TTC28: variants seen among roughly 807,000 people sequenced by gnomAD.
TTC28 encodes tetratricopeptide repeat domain 28.
Under a neutral mutation model 198.0 loss-of-function variants are expected in TTC28, and 61 were observed. The observed-to-expected ratio is 0.31, with a 90% CI of 0.25 to 0.38. TTC28 has a LOEUF of 0.38. Ranked by LOEUF, TTC28 falls within the 10% of genes least tolerant of loss-of-function variation. The pLI, the probability that TTC28 is intolerant of heterozygous loss-of-function variation, is 1.00. For missense variants in TTC28, 2,678 were observed against 3,164.0 expected, an observed-to-expected ratio of 0.85 and a Z score of 3.69; for synonymous variants, 1,171 against 1,297.8, an observed-to-expected ratio of 0.90 and a Z score of 2.10.
chr22:28,343,194 G>C (rs1452056822), intron 2 of TTC28, among the ~76,000 whole-genome samples: 1 of 151,986 alleles, frequency 6.6e-6, no homozygotes, highest in Non-Finnish European at 1.5e-5. Context: ...ACGGAGATTA[G>C]ACAGAAAAAA....
At chr22:28,340,230 A>C (rs1362988322) in intron 2 of TTC28, among the ~76,000 whole-genome samples, 1 of 152,116 alleles carries the variant, frequency 6.6e-6, no homozygotes, top group Non-Finnish European at 1.5e-5. Flanking sequence ...TTCTAAAGTG[A>C]GGGGTTGGAG....
intron 2 of TTC28, among the ~76,000 whole-genome samples, chr22:28,532,545 T>C (rs1239165280): frequency 1.3e-5 from 2 of 152,188 alleles, no homozygotes; most frequent in East Asian, 3.8e-4. Context: ...CAATCCTCCC[T>C]AACTCATTTT....
intron 12 of TTC28, among the ~76,000 whole-genome samples, chr22:28,091,597 A>C (rs915616759): frequency 6.6e-6 from 1 of 152,114 alleles, no homozygotes; most frequent in African/African-American, 2.4e-5. Context: ...GAAAGGAGGG[A>C]GAGTCTTGGC....
At chr22:27,986,852 C>T (rs1937233237) in intron 21 of TTC28, among the ~76,000 whole-genome samples, 1 of 152,148 alleles carries the variant, frequency 6.6e-6, no homozygotes, top group Non-Finnish European at 1.5e-5. Flanking sequence ...TAAACAGCCC[C>T]TGAAAGCAAC....
chr22:28,419,319 A>G (rs2047214261), intron 2 of TTC28, among the ~76,000 whole-genome samples: 1 of 152,102 alleles, frequency 6.6e-6, no homozygotes, highest in African/African-American at 2.4e-5. Flanking sequence ...TCCCTCCTCC[A>G]TGTTCTACAG....
intron 2 of TTC28, among the ~76,000 whole-genome samples, chr22:28,334,120 C>T (rs921338560): frequency 2.0e-5 from 3 of 151,264 alleles, no homozygotes; most frequent in South Asian, 2.1e-4. Flanking sequence ...TTTCTCCTTG[C>T]GATAGTTTGC....
At chr22:28,620,635 A>C (rs1477896797) in intron 2 of TTC28, among the ~76,000 whole-genome samples, 1 of 152,206 alleles carries the variant, frequency 6.6e-6, no homozygotes, top group Non-Finnish European at 1.5e-5. Flanking sequence ...AGCAATGGCT[A>C]CCAAAATGTA....
At chr22:28,336,265 A>C (rs1032823013) in intron 2 of TTC28, among the ~76,000 whole-genome samples, 5 of 152,168 alleles carry the variant, frequency 3.3e-5, no homozygotes, top group Non-Finnish European at 7.3e-5. Context: ...GGATTTTTGC[A>C]TCAATGTTCA....
intron 5 of TTC28, among the ~76,000 whole-genome samples, chr22:28,181,083 G>T (rs1354499459): frequency 1.3e-5 from 2 of 152,172 alleles, no homozygotes. Context: ...GATAGTTACA[G>T]CTTCTCCATG....
intron 12 of TTC28, among the ~76,000 whole-genome samples, chr22:28,040,704 C>T (rs1939595007): frequency 6.6e-6 from 1 of 152,204 alleles, no homozygotes; most frequent in Non-Finnish European, 1.5e-5. Flanking sequence ...GTCACCACTC[C>T]TATTCAACAT....
intron 2 of TTC28, among the ~76,000 whole-genome samples, chr22:28,352,841 CTA>C (rs2145936514): frequency 6.6e-6 from 1 of 151,930 alleles, no homozygotes; most frequent in African/African-American, 2.4e-5. Flanking sequence ...TTTAAAATAA[CTA>C]TGTTTCAAAC....
chr22:27,985,765 G>GC, intron 21 of TTC28: 1 of 161,270 alleles, frequency 6.2e-6, no homozygotes, highest in Non-Finnish European at 1.4e-5. Flanking sequence ...AGTATTTAAA[G>GC]CTGGTGCATG....
At chr22:28,227,241 A>G (rs1017293599) in intron 5 of TTC28, among the ~76,000 whole-genome samples, 1 of 152,206 alleles carries the variant, frequency 6.6e-6, no homozygotes, top group African/African-American at 2.4e-5. Flanking sequence ...AAATCAACTC[A>G]AAATGGATGA....
At chr22:28,017,644 G>A (rs1204793327) in intron 13 of TTC28, among the ~76,000 whole-genome samples, 1 of 152,180 alleles carries the variant, frequency 6.6e-6, no homozygotes, top group African/African-American at 2.4e-5. Context: ...AAGAAAGTGG[G>A]CCAGATGGGC....
At chr22:27,987,929 G>A (rs1937267908) in intron 21 of TTC28, among the ~76,000 whole-genome samples, 1 of 152,008 alleles carries the variant, frequency 6.6e-6, no homozygotes. Flanking sequence ...AGAAAAGCAT[G>A]TAGGCCAGGA....
chr22:28,474,299 C>G (rs755517783), intron 2 of TTC28, among the ~76,000 whole-genome samples: 1 of 152,114 alleles, frequency 6.6e-6, no homozygotes, highest in African/African-American at 2.4e-5. Flanking sequence ...AGCTGAGAAG[C>G]AAACCAATGT....
intron 2 of TTC28, among the ~76,000 whole-genome samples, chr22:28,488,196 A>C (rs946173621): frequency 3.3e-5 from 5 of 152,166 alleles, no homozygotes; most frequent in African/African-American, 1.2e-4. Context: ...ACAGGAGGTT[A>C]CTCAAGATAG....
intron 2 of TTC28, among the ~76,000 whole-genome samples, chr22:28,345,409 G>A (rs1021988896): frequency 3.3e-5 from 5 of 152,090 alleles, no homozygotes; most frequent in South Asian, 2.1e-4. Flanking sequence ...CCTCAAGTCC[G>A]GAACCATCTC....
chr22:28,326,347 G>T (rs937598703), intron 2 of TTC28, among the ~76,000 whole-genome samples: 3 of 152,044 alleles, frequency 2.0e-5, no homozygotes, highest in Non-Finnish European at 2.9e-5. Context: ...TGTATCTTAA[G>T]TCTAGTGGTA....
Sources: allele counts gnomAD v4.1 joint callset (sites outside exome capture counted in the v4.1 genomes callset), GRCh38; gene constraint gnomAD v4.1.1; transcripts MANE v1.5; gene names NCBI Gene and HGNC (gene_info 2026-07-23, HGNC 2026-07-21).